Variants in AGBL1 observed in about 807,000 individuals in gnomAD.
AGBL1 encodes cytosolic carboxypeptidase 4.
In AGBL1, 130 loss-of-function variants were observed where a neutral mutation model predicts 118.9. The ratio of observed to expected loss-of-function variants is 1.09; its 90% confidence interval spans 0.95 to 1.26. The LOEUF (loss-of-function observed/expected upper bound fraction) is 1.26. Ranked by LOEUF, AGBL1 falls within the 50% of genes most tolerant of loss-of-function variation. The pLI, the probability that AGBL1 is intolerant of heterozygous loss-of-function variation, is 0.00. For synonymous variants in AGBL1, 555 were observed against 478.9 expected (o/e 1.16, Z -2.08); for missense variants, 1,584 against 1,298.1 (o/e 1.22, Z -3.38).
chr15:87,021,365 A>T (rs1485020954), intron 24 of AGBL1, among the ~76,000 whole-genome samples: 2 of 152,164 alleles, frequency 1.3e-5, no homozygotes, highest in Non-Finnish European at 2.9e-5. Context: ...AGACTTACTG[A>T]AATGTAAAAC....
chr15:86,547,614 G>A (rs933719676), intron 20 of AGBL1, among the ~76,000 whole-genome samples: 1 of 152,068 alleles, frequency 6.6e-6, no homozygotes, highest in African/African-American at 2.4e-5. Context: ...AAGGTAAAAG[G>A]CATAACATTA....
At chr15:86,103,327 C>G (rs146677627) in intron 1 of AGBL1, among the ~76,000 whole-genome samples, 2 of 152,044 alleles carry the variant, frequency 1.3e-5, no homozygotes, top group Non-Finnish European at 2.9e-5. Flanking sequence ...ATGTTGAATT[C>G]TTTTTCTGGG....
At chr15:86,139,115 T>G (rs2076927515) in intron 1 of AGBL1, among the ~76,000 whole-genome samples, 1 of 152,198 alleles carries the variant, frequency 6.6e-6, no homozygotes. Flanking sequence ...ATATCATCTA[T>G]TAACATTTAG....
At chr15:86,965,365 C>T (rs1229491187) in intron 23 of AGBL1, among the ~76,000 whole-genome samples, 1 of 152,052 alleles carries the variant, frequency 6.6e-6, no homozygotes, top group Non-Finnish European at 1.5e-5. Flanking sequence ...TTTTGGTTTG[C>T]ATTTCTCCAA....
At chr15:86,275,347 G>A (rs1248187863) in intron 15 of AGBL1, among the ~76,000 whole-genome samples, 1 of 152,208 alleles carries the variant, frequency 6.6e-6, no homozygotes, top group African/African-American at 2.4e-5. Context: ...TCAAGAGAGA[G>A]ATCTGGTATT....
chr15:86,515,416 A>G (rs1042145512), intron 18 of AGBL1, among the ~76,000 whole-genome samples: 5 of 152,052 alleles, frequency 3.3e-5, no homozygotes, highest in African/African-American at 4.8e-5. Context: ...GTATCTATCA[A>G]TTCTTATTTT....
chr15:86,462,403 C>T (rs1029858274), intron 18 of AGBL1, among the ~76,000 whole-genome samples: 8 of 152,052 alleles, frequency 5.3e-5, no homozygotes, highest in African/African-American at 1.4e-4. Flanking sequence ...AGACCCGTTT[C>T]CTCTGCTGCA....
chr15:86,541,303 A>G lies in AGBL1; in HGVS notation c.2686-4699A>G, dbSNP rs117830025. 2.6e-5 allele frequency among the ~76,000 whole-genome samples: 4 copies of G among 152,342 alleles called. No individual in the cohort carries two copies. In the East Asian group the frequency reaches 7.7e-4, roughly 29 times the overall value. On this transcript the variant is annotated intron_variant, in intron 19 of 22. Coordinates refer to ENST00000614907, the MANE Select transcript of AGBL1 (RefSeq NM_001386094.1). ...AAATTCTTGGGCTCAACCCAGACCTACTTGAATCACAGAATTGCCAGGGTG... is the reference window on the plus strand; with the variant it reads ...AAATTCTTGGGCTCAACCCAGACCTGCTTGAATCACAGAATTGCCAGGGTG...
chr15:86,319,757 T>C (rs922529547), intron 17 of AGBL1, among the ~76,000 whole-genome samples: 13 of 77,238 alleles, frequency 1.7e-4, no homozygotes, highest in African/African-American at 7.6e-4. Context: ...TTTTTTTTTT[T>C]TTTTTTTTTT....
chr15:86,651,487 A>T (rs2085369007), intron 21 of AGBL1, among the ~76,000 whole-genome samples: 1 of 152,196 alleles, frequency 6.6e-6, no homozygotes, highest in African/African-American at 2.4e-5. Flanking sequence ...AATTGTATAG[A>T]TCTTATTATA....
At chr15:86,648,642 G>A (rs2447248) in intron 21 of AGBL1, among the ~76,000 whole-genome samples, 81,642 of 151,976 alleles carry the variant, frequency 0.54, 22,069 homozygotes, top group Middle Eastern at 0.67. Flanking sequence ...GGCTGTAGAA[G>A]TAAATTTGAC....
chr15:86,587,952 C>T (rs2084277999), intron 21 of AGBL1, among the ~76,000 whole-genome samples: 1 of 152,138 alleles, frequency 6.6e-6, no homozygotes, highest in African/African-American at 2.4e-5. Flanking sequence ...GTCTTTTAGA[C>T]CCCAACCTGT....
chr15:87,015,921 C>T (rs147686792), intron 24 of AGBL1, among the ~76,000 whole-genome samples: 65 of 152,136 alleles, frequency 4.3e-4, no homozygotes, highest in Admixed American at 2.3e-3. Context: ...CAGAGTAGAG[C>T]GTGGGAAGTT....
At chr15:86,787,294 C>T (rs945261317) in intron 22 of AGBL1, among the ~76,000 whole-genome samples, 18 of 152,044 alleles carry the variant, frequency 1.2e-4, no homozygotes, top group Non-Finnish European at 1.2e-4. Context: ...TTTCAGTATG[C>T]AATACAGTAT....
chr15:86,678,968 C>T (rs999737059), intron 22 of AGBL1, among the ~76,000 whole-genome samples: 8 of 152,122 alleles, frequency 5.3e-5, no homozygotes, highest in East Asian at 1.9e-4. Context: ...GCCAAGAGCA[C>T]GTAGCTTTTA....
In AGBL1 at chr15:86,079,961, C is replaced by T. The variant is rs887323946; in HGVS notation, c.-12C>T. On this transcript the variant is annotated 5_prime_UTR_variant, in exon 1 of 23. Coordinates refer to ENST00000614907, the MANE Select transcript of AGBL1 (RefSeq NM_001386094.1). ...GGCCGCAGGCAGCGGTTCCCTAGGA[C>T]CCGAGAAAAGGATGGCCGAACAAGA... 1.6e-6 allele frequency: 2 copies of T among 1,232,094 alleles called. No individual in the cohort carries two copies. Among genetic ancestry groups the T allele is most frequent in the Admixed American group, 4.2e-5 (1 of 23,694 alleles). 76.3% of individuals were successfully genotyped at this position (1,232,094 alleles called of 1,614,324 possible).
At chr15:86,670,600 GACAC>G (rs9302341) in intron 21 of AGBL1, among the ~76,000 whole-genome samples, 82 of 133,224 alleles carry the variant, frequency 6.2e-4, no homozygotes, top group Non-Finnish European at 8.9e-4. Flanking sequence ...GTGAAACTCT[GACAC>G]ACACACACAC....
At chr15:86,683,017 A>G (rs1596366037) in intron 22 of AGBL1, among the ~76,000 whole-genome samples, 1 of 152,162 alleles carries the variant, frequency 6.6e-6, no homozygotes, top group Non-Finnish European at 1.5e-5. Context: ...GCCTAACTCC[A>G]TGGCTCAAGT....
intron 5 of AGBL1, among the ~76,000 whole-genome samples, chr15:86,210,180 A>G (rs933064375): frequency 6.6e-6 from 1 of 152,062 alleles, no homozygotes; most frequent in African/African-American, 2.4e-5. Flanking sequence ...CTGCCAGGAG[A>G]TCCGCTGTTA....
Sources: allele counts gnomAD v4.1 joint callset (sites outside exome capture counted in the v4.1 genomes callset), GRCh38; gene constraint gnomAD v4.1.1; transcripts MANE v1.5; gene names NCBI Gene and HGNC (gene_info 2026-07-23, HGNC 2026-07-21).